Variants in AFF1 observed in about 807,000 individuals in gnomAD.
AFF1 encodes AF4/FMR2 family member 1.
Under a neutral mutation model 121.7 loss-of-function variants are expected in AFF1, and 48 were observed. The observed-to-expected ratio is 0.39, with a 90% confidence interval of 0.31 to 0.50. The LOEUF is 0.50. Ranked by LOEUF, AFF1 falls within the 20% of genes least tolerant of loss-of-function variation. The pLI, the probability that AFF1 is intolerant of heterozygous loss-of-function variation, is 0.76. For missense variants in AFF1, 1,523 were observed against 1,511.7 expected, an observed-to-expected ratio of 1.01 and a Z score of -0.12; for synonymous variants, 613 against 563.0, an observed-to-expected ratio of 1.09 and a Z score of -1.26.
At chr4:87,029,136 T>C (rs1728821141) in intron 2 of AFF1, among the ~76,000 whole-genome samples, 1 of 152,236 alleles carries the variant, frequency 6.6e-6, no homozygotes, top group Non-Finnish European at 1.5e-5. Context: ...TTTCTTTTTA[T>C]TCTGTTATCC....
At chr4:87,128,478 A>T (rs911715544) in intron 16 of AFF1, among the ~76,000 whole-genome samples, 2 of 152,262 alleles carry the variant, frequency 1.3e-5, no homozygotes, top group African/African-American at 4.8e-5. Flanking sequence ...AAATCCCCAC[A>T]AATGCAAAAA....
intron 2 of AFF1, among the ~76,000 whole-genome samples, chr4:87,004,326 AAG>A (rs1314520634): frequency 6.6e-6 from 1 of 152,230 alleles, no homozygotes; most frequent in Non-Finnish European, 1.5e-5. Context: ...GTGAAACCCA[AAG>A]AGCTTTTGTA....
At chr4:87,023,554 A>T (rs1258416621) in intron 2 of AFF1, among the ~76,000 whole-genome samples, 1 of 152,198 alleles carries the variant, frequency 6.6e-6, no homozygotes, top group Admixed American at 6.6e-5. Flanking sequence ...TAGAGTGGGT[A>T]GTTATTTCAA....
intron 2 of AFF1, among the ~76,000 whole-genome samples, chr4:86,995,392 G>C (rs1159449259): frequency 6.7e-6 from 1 of 148,420 alleles, no homozygotes; most frequent in Non-Finnish European, 1.5e-5. Context: ...CTGCCATCTC[G>C]GCTCACTGCA....
chr4:86,953,453 A>T (rs371670557), intron 2 of AFF1, among the ~76,000 whole-genome samples: 10 of 152,190 alleles, frequency 6.6e-5, no homozygotes, highest in African/African-American at 2.4e-4. Flanking sequence ...GTGAACCCTT[A>T]CTTTGCTCAG....
intron 2 of AFF1, among the ~76,000 whole-genome samples, chr4:87,039,060 A>G (rs927153098): frequency 6.6e-6 from 1 of 152,200 alleles, no homozygotes; most frequent in Admixed American, 6.6e-5. Flanking sequence ...AGCAGGGCCC[A>G]TGGGCTCCAG....
chr4:86,966,356 C>G (rs1381480957), intron 2 of AFF1, among the ~76,000 whole-genome samples: 2 of 152,128 alleles, frequency 1.3e-5, no homozygotes, highest in African/African-American at 2.4e-5. Flanking sequence ...CAATTTCTCA[C>G]CAAACTTCCT....
chr4:87,017,941 A>T (rs566639067), intron 2 of AFF1, among the ~76,000 whole-genome samples: 102 of 7,342 alleles, frequency 0.014, no homozygotes, highest in Admixed American at 0.025. Flanking sequence ...CGTTCTATTT[A>T]AAAAAAAAAA....
At position 87,046,142 on chromosome 4, in the gene AFF1, A is replaced by G. The variant is rs1196623166; in HGVS notation, c.39-24A>G. On this transcript the variant is annotated intron_variant, in intron 2 of 20. Transcript: ENST00000395146. ...GAGACTGATAAATTTTATTGTTTTCATTCTTTTGTGGCATCTGAAACAGTT... is the reference window on the plus strand; with the variant it reads ...GAGACTGATAAATTTTATTGTTTTCGTTCTTTTGTGGCATCTGAAACAGTT... 5 of 1,606,378 alleles carry G rather than the reference A, an allele frequency of 3.1e-6. No individual in the cohort carries two copies. In the South Asian group the frequency reaches 3.3e-5, roughly 11 times the overall value.
chr4:86,995,930 T>C (rs1466533634), intron 2 of AFF1, among the ~76,000 whole-genome samples: 3 of 147,996 alleles, frequency 2.0e-5, no homozygotes, highest in Admixed American at 6.7e-5. Context: ...TGCCGCCCCG[T>C]CCGGGATGTG....
chr4:87,040,901 A>T (rs1224460666), intron 2 of AFF1, among the ~76,000 whole-genome samples: 3 of 67,828 alleles, frequency 4.4e-5, no homozygotes, highest in African/African-American at 6.5e-5. Flanking sequence ...TTTGAGATGG[A>T]GTCTTGCTTT....
chr4:87,048,918 G>A (rs545755624), intron 4 of AFF1, among the ~76,000 whole-genome samples: 1 of 152,240 alleles, frequency 6.6e-6, no homozygotes, highest in South Asian at 2.1e-4. Context: ...ATTTTGTGCT[G>A]TGATGGAGGT....
intron 4 of AFF1, among the ~76,000 whole-genome samples, chr4:87,054,737 G>A (rs1719926328): frequency 6.6e-6 from 1 of 152,124 alleles, no homozygotes; most frequent in Non-Finnish European, 1.5e-5. Flanking sequence ...CACTTCAGAG[G>A]CCAAATTTTA....
chr4:87,005,662 C>A (rs1020403302), intron 2 of AFF1, among the ~76,000 whole-genome samples: 1 of 152,208 alleles, frequency 6.6e-6, no homozygotes, highest in Admixed American at 6.5e-5. Flanking sequence ...AGCCATTGTA[C>A]TTAAGTGTGC....
chr4:87,050,843 T>C (rs940519877), intron 4 of AFF1, among the ~76,000 whole-genome samples: 5 of 152,134 alleles, frequency 3.3e-5, no homozygotes, highest in Admixed American at 6.5e-5. Context: ...ACCTGCCCAA[T>C]TGGAAGATTG....
intron 5 of AFF1, among the ~76,000 whole-genome samples, chr4:87,089,332 C>T (rs1724065154): frequency 6.6e-6 from 1 of 152,108 alleles, no homozygotes; most frequent in African/African-American, 2.4e-5. Flanking sequence ...TGTCAAGATA[C>T]ATATATCAAT....
At chr4:86,937,645 G>A (rs992258960) in intron 1 of AFF1, among the ~76,000 whole-genome samples, 1 of 152,086 alleles carries the variant, frequency 6.6e-6, no homozygotes, top group African/African-American at 2.4e-5. Context: ...GCGGTGGCAC[G>A]ATCATAGCTC....
At position 86,951,147 on chromosome 4, in the gene AFF1, A is replaced by AT. The variant is rs1417238583; in HGVS notation, c.38+2578dup. On this transcript the variant is annotated intron_variant, in intron 2 of 20. Transcript: ENST00000395146. ...TAAGATTTAGCAACCCTGGGCTTGC[A>AT]TTGTCATATAGCAATGCTCAGAAAG... Among the ~76,000 whole-genome samples the AT allele has an allele frequency of 4.6e-5, 7 of 152,290 alleles. No individual in the cohort carries two copies. In the East Asian group the frequency reaches 1.3e-3, roughly 29 times the overall value.
chr4:87,135,733 A>G lies in AFF1; in HGVS notation c.*32A>G. The G allele has an allele frequency of 6.3e-7, 1 of 1,598,606 alleles. No individual in the cohort carries two copies. The highest frequency in any genetic ancestry group is 8.5e-7 in the Non-Finnish European group (1 of 1,171,816). On this transcript the variant is annotated 3_prime_UTR_variant, in exon 21 of 21. Transcript: ENST00000395146. Reference sequence around the variant, plus strand: ...CCCAGGTTGATTCAATGCCTTGGGAACTATTTTTGCACATTGGAAGCCTCA... The same window carrying G: ...CCCAGGTTGATTCAATGCCTTGGGAGCTATTTTTGCACATTGGAAGCCTCA...
Sources: gnomAD v4.1 joint callset for allele counts (sites outside exome capture counted in the v4.1 genomes callset) on GRCh38, gnomAD v4.1.1 for gene constraint, MANE v1.5 for transcripts, NCBI Gene and HGNC (gene_info 2026-07-23, HGNC 2026-07-21) for gene names.